Variants in TENM2 observed in about 807,000 individuals in gnomAD.
The protein encoded by TENM2 is teneurin-2.
A neutral mutation model predicts 245.2 loss-of-function variants in TENM2; 52 were observed. The ratio of observed to expected loss-of-function variants is 0.21; its 90% CI spans 0.17 to 0.27. TENM2 has a LOEUF of 0.27. Ranked by LOEUF, TENM2 falls within the 10% of genes least tolerant of loss-of-function variation. The pLI is 1.00. For synonymous variants in TENM2, 1,363 were observed against 1,438.9 expected (o/e 0.95, Z 1.19); for missense variants, 3,046 against 3,666.8 (o/e 0.83, Z 4.37).
At chr5:167,473,480 C>G (rs1168269301) in intron 2 of TENM2, among the ~76,000 whole-genome samples, 1 of 152,134 alleles carries the variant, frequency 6.6e-6, no homozygotes, top group Non-Finnish European at 1.5e-5. Context: ...CATTCTCATT[C>G]TGAATTTTTA....
At chr5:167,862,680 G>A (rs1771929757) in intron 2 of TENM2, among the ~76,000 whole-genome samples, 1 of 152,176 alleles carries the variant, frequency 6.6e-6, no homozygotes, top group African/African-American at 2.4e-5. Context: ...TACCTTGAAA[G>A]CACCTGCCTC....
At chr5:168,124,982 G>A in exon 11 of TENM2, 2 of 1,611,320 alleles carry the variant, frequency 1.2e-6, no homozygotes, top group South Asian at 1.1e-5. Flanking sequence ...AGTGGGCATG[G>A]CACGTACCTG....
At chr5:168,104,338 T>C (rs1794074164) in intron 9 of TENM2, among the ~76,000 whole-genome samples, 1 of 152,126 alleles carries the variant, frequency 6.6e-6, no homozygotes, top group South Asian at 2.1e-4. Context: ...CTGTCCTTCT[T>C]TCTTGATAAA....
At chr5:167,776,544 A>G (rs1202317908) in intron 2 of TENM2, among the ~76,000 whole-genome samples, 1 of 127,282 alleles carries the variant, frequency 7.9e-6, no homozygotes, top group Non-Finnish European at 1.6e-5. Flanking sequence ...GCAGTTAGCC[A>G]TGGTCGCACC....
chr5:168,254,432 G>A (rs548824316), intron 27 of TENM2, among the ~76,000 whole-genome samples: 2 of 151,408 alleles, frequency 1.3e-5, no homozygotes, highest in Non-Finnish European at 2.9e-5. Context: ...GAGGAAAGAG[G>A]GAAAGGGGAG....
intron 2 of TENM2, among the ~76,000 whole-genome samples, chr5:167,729,665 C>G (rs1278768091): frequency 6.6e-6 from 1 of 152,156 alleles, no homozygotes; most frequent in African/African-American, 2.4e-5. Context: ...TAGTGACTAT[C>G]TAAGGCCTGA....
chr5:167,400,560 G>A (rs34731725), intron 2 of TENM2, among the ~76,000 whole-genome samples: 25,719 of 151,524 alleles, frequency 0.17, 2,766 homozygotes, highest in Middle Eastern at 0.31. Flanking sequence ...ATCAGAACGT[G>A]AATCTGGAAA....
chr5:167,357,864 A>G (rs1759446118), intron 1 of TENM2, among the ~76,000 whole-genome samples: 1 of 152,142 alleles, frequency 6.6e-6, no homozygotes, highest in African/African-American at 2.4e-5. Flanking sequence ...ATCTTCAATC[A>G]GAAACGAATT....
chr5:167,527,758 C>T (rs1034002173), intron 2 of TENM2, among the ~76,000 whole-genome samples: 3 of 152,126 alleles, frequency 2.0e-5, no homozygotes, highest in South Asian at 4.1e-4. Context: ...CCTTAGCAAA[C>T]AGTAGGCACT....
intron 2 of TENM2, among the ~76,000 whole-genome samples, chr5:167,459,938 A>ACG (rs1766190921): frequency 7.0e-6 from 1 of 142,354 alleles, no homozygotes; most frequent in African/African-American, 2.6e-5. Context: ...ACACACACGC[A>ACG]CACACACACA....
In TENM2 at chr5:167,970,469, C is replaced by T. The variant is rs914378708; in HGVS notation, c.947+17647C>T. 2.6e-5 allele frequency among the ~76,000 whole-genome samples: 4 copies of T among 152,178 alleles called. No individual in the cohort carries two copies. The East Asian group carries it at 5.8e-4, about 22-fold the overall frequency. ...ATGAGAAAGTTAACTCAAAACATCT[C>T]GATGCATTTCCTCTCTCTTGGAAAT... On this transcript the variant is annotated intron_variant, in intron 4 of 28. Transcript: ENST00000518659.
At chr5:167,163,811 C>A in the TENM2 span, among the ~76,000 whole-genome samples, 4 of 152,138 alleles carry the variant, frequency 2.6e-5, no homozygotes, top group Non-Finnish European at 1.5e-5. Context: ...TAAGAAAAAA[C>A]AAAGGTATTT....
At chr5:167,231,831 A>T in the TENM2 span, among the ~76,000 whole-genome samples, 31,201 of 151,446 alleles carry the variant, frequency 0.21, 3,720 homozygotes, top group African/African-American at 0.33. Context: ...CATGTCAGAG[A>T]TCTTCACAGG....
chr5:167,000,488 C>A, the TENM2 span, among the ~76,000 whole-genome samples: 4 of 152,160 alleles, frequency 2.6e-5, no homozygotes, highest in African/African-American at 9.6e-5. Context: ...AACTACCAAA[C>A]TTACTTGTGT....
At chr5:166,990,621 G>A in the TENM2 span, among the ~76,000 whole-genome samples, 5 of 152,198 alleles carry the variant, frequency 3.3e-5, no homozygotes, top group Admixed American at 6.5e-5. Context: ...GTTTTTTACC[G>A]ACTAATAGCT....
intron 2 of TENM2, among the ~76,000 whole-genome samples, chr5:167,450,381 C>T (rs544701217): frequency 1.3e-4 from 20 of 152,186 alleles, no homozygotes; most frequent in African/African-American, 4.6e-4. Flanking sequence ...ATTTCCAGAA[C>T]ATATTTGTTT....
intron 2 of TENM2, among the ~76,000 whole-genome samples, chr5:167,665,502 A>G (rs189267074): frequency 3.9e-5 from 6 of 152,322 alleles, no homozygotes; most frequent in South Asian, 2.1e-4. Flanking sequence ...TCCAGTATGT[A>G]CTAAATAAAT....
At chr5:168,044,553 C>G (rs1788457005) in intron 5 of TENM2, among the ~76,000 whole-genome samples, 1 of 151,738 alleles carries the variant, frequency 6.6e-6, no homozygotes, top group Non-Finnish European at 1.5e-5. Flanking sequence ...AATCCAACCC[C>G]CCAAATCTGC....
chr5:167,334,897 G>A (rs774211727), intron 1 of TENM2, among the ~76,000 whole-genome samples: 1 of 152,154 alleles, frequency 6.6e-6, no homozygotes, highest in Non-Finnish European at 1.5e-5. Flanking sequence ...AGAAGAAGTT[G>A]ACAGAATCGT....
Sources: allele counts gnomAD v4.1 joint callset (sites outside exome capture counted in the v4.1 genomes callset), GRCh38; gene constraint gnomAD v4.1.1; transcripts MANE v1.5; gene names NCBI Gene and HGNC (gene_info 2026-07-23, HGNC 2026-07-21).